Variants in ROBO2 observed in about 807,000 individuals in gnomAD.
The protein encoded by ROBO2 is roundabout homolog 2.
Under a neutral mutation model 160.8 loss-of-function variants are expected in ROBO2, and 53 were observed. The ratio of observed to expected loss-of-function variants is 0.33; its 90% CI spans 0.26 to 0.41. ROBO2 has a LOEUF of 0.41. ROBO2 is among the 10% of genes least tolerant of loss of function. The pLI is 1.00. For synonymous variants in ROBO2, 664 were observed against 611.7 expected (o/e 1.09, Z -1.26); for missense variants, 1,577 against 1,722.4 (o/e 0.92, Z 1.49).
chr3:77,048,743 T>C (rs187559977), intron 1 of ROBO2, among the ~76,000 whole-genome samples: 32 of 152,334 alleles, frequency 2.1e-4, no homozygotes, highest in African/African-American at 7.5e-4. Context: ...AATTATCCAT[T>C]AGTTACATTT....
intron 2 of ROBO2, among the ~76,000 whole-genome samples, chr3:76,610,966 A>C (rs1420127328): frequency 6.6e-6 from 1 of 152,172 alleles, no homozygotes; most frequent in Non-Finnish European, 1.5e-5. Flanking sequence ...ACAGAAGGAA[A>C]GCTCTCAGCT....
intron 2 of ROBO2, among the ~76,000 whole-genome samples, chr3:76,533,775 G>C (rs1286413182): frequency 2.0e-5 from 3 of 152,080 alleles, no homozygotes; most frequent in Non-Finnish European, 4.4e-5. Flanking sequence ...AGGGGAGGGG[G>C]TCACAAGGTG....
At chr3:76,826,670 T>C (rs1559563265) in intron 2 of ROBO2, among the ~76,000 whole-genome samples, 2 of 152,176 alleles carry the variant, frequency 1.3e-5, no homozygotes, top group Non-Finnish European at 2.9e-5. Context: ...ACACATTAAA[T>C]ACCTAGCACA....
chr3:76,789,901 T>C (rs1274998019), intron 2 of ROBO2, among the ~76,000 whole-genome samples: 1 of 151,706 alleles, frequency 6.6e-6, no homozygotes, highest in Non-Finnish European at 1.5e-5. Context: ...CCCAATTCTA[T>C]AATTTGGAAA....
chr3:76,888,832 T>C (rs541590015), intron 2 of ROBO2, among the ~76,000 whole-genome samples: 6 of 152,218 alleles, frequency 3.9e-5, no homozygotes, highest in Non-Finnish European at 8.8e-5. Context: ...ACGTATGTAA[T>C]GTTTAAAATC....
At chr3:76,125,531 C>T (rs770951020) in intron 2 of ROBO2, among the ~76,000 whole-genome samples, 12 of 152,094 alleles carry the variant, frequency 7.9e-5, no homozygotes, top group Non-Finnish European at 1.6e-4. Flanking sequence ...TTTTTAACAA[C>T]AGCCATTCTG....
Position 77,291,262 on chromosome 3 carries a change from A to G in ROBO2, c.389-186152A>G, listed in dbSNP as rs372249895. On this transcript the variant is annotated intron_variant, in intron 2 of 25. Coordinates refer to ENST00000461745, the Ensembl canonical transcript of ROBO2. ...AAGTAAAATTGACGGTTAAACGGGT[A>G]AGCTGAGGCTAGATCACCCCAGACA... 6.6e-5 allele frequency among the ~76,000 whole-genome samples: 10 copies of G among 152,240 alleles called. No homozygotes were observed. In the East Asian group the frequency reaches 1.4e-3, roughly 21 times the overall value.
chr3:76,474,361 A>G (rs1406239130), intron 2 of ROBO2, among the ~76,000 whole-genome samples: 3 of 152,168 alleles, frequency 2.0e-5, no homozygotes, highest in Admixed American at 1.3e-4. Context: ...CCATGAGGAC[A>G]TAGACTATGT....
chr3:76,643,143 A>G (rs1265934784), intron 2 of ROBO2, among the ~76,000 whole-genome samples: 1 of 152,184 alleles, frequency 6.6e-6, no homozygotes, highest in Non-Finnish European at 1.5e-5. Flanking sequence ...CAGGAATGCA[A>G]GAAACTTAAA....
chr3:76,326,701 GC>G (rs1047981475), intron 2 of ROBO2, among the ~76,000 whole-genome samples: 58 of 151,148 alleles, frequency 3.8e-4, no homozygotes, highest in African/African-American at 1.2e-3. Flanking sequence ...CATGTGCCAT[GC>G]TGGTGTGCTG....
intron 2 of ROBO2, among the ~76,000 whole-genome samples, chr3:76,172,971 C>A (rs971172696): frequency 9.2e-5 from 14 of 151,862 alleles, no homozygotes; most frequent in African/African-American, 2.7e-4. Context: ...ATGACTGGAC[C>A]TCAGTAAAAA....
chr3:76,999,827 G>A (rs973777288), intron 2 of ROBO2, among the ~76,000 whole-genome samples: 2 of 152,126 alleles, frequency 1.3e-5, no homozygotes, highest in South Asian at 2.1e-4. Context: ...TTCCAATTTA[G>A]TATAGAAACA....
At chr3:76,107,984 C>G (rs1427604849) in intron 2 of ROBO2, among the ~76,000 whole-genome samples, 1 of 151,972 alleles carries the variant, frequency 6.6e-6, no homozygotes, top group Admixed American at 6.6e-5. Context: ...GTATAGGTAA[C>G]CACCACAAAA....
chr3:76,411,585 A>G (rs982602476), intron 2 of ROBO2, among the ~76,000 whole-genome samples: 6 of 152,036 alleles, frequency 3.9e-5, no homozygotes, highest in African/African-American at 1.4e-4. Context: ...ATGCCTTGCT[A>G]TAGGGAAGAC....
At chr3:76,382,269 C>T (rs1460177781) in intron 2 of ROBO2, among the ~76,000 whole-genome samples, 1 of 152,116 alleles carries the variant, frequency 6.6e-6, no homozygotes, top group Non-Finnish European at 1.5e-5. Flanking sequence ...CGCTCGGCCT[C>T]GAGACAGTTA....
chr3:76,114,137 C>T (rs950167994), intron 2 of ROBO2, among the ~76,000 whole-genome samples: 2 of 152,134 alleles, frequency 1.3e-5, no homozygotes, highest in Admixed American at 1.3e-4. Flanking sequence ...GAACAACATA[C>T]CTCATGACCT....
chr3:76,798,467 A>G (rs940307420), intron 2 of ROBO2, among the ~76,000 whole-genome samples: 2 of 152,226 alleles, frequency 1.3e-5, no homozygotes, highest in African/African-American at 4.8e-5. Context: ...GGATAGTTCA[A>G]CATATGCAAG....
intron 8 of ROBO2, among the ~76,000 whole-genome samples, chr3:77,555,677 T>C (rs2093091060): frequency 6.6e-6 from 1 of 151,968 alleles, no homozygotes. Flanking sequence ...AGATAAGATG[T>C]ATTTATATCT....
At chr3:77,466,449 C>A (rs1159439566) in intron 2 of ROBO2, among the ~76,000 whole-genome samples, 1 of 152,094 alleles carries the variant, frequency 6.6e-6, no homozygotes, top group Non-Finnish European at 1.5e-5. Flanking sequence ...TCTCAAACTG[C>A]TCATTTTTGA....
Sources: allele counts gnomAD v4.1 joint callset (sites outside exome capture counted in the v4.1 genomes callset), GRCh38; gene constraint gnomAD v4.1.1; transcripts MANE v1.5; gene names NCBI Gene and HGNC (gene_info 2026-07-23, HGNC 2026-07-21).